RGS7: variants seen among roughly 807,000 people sequenced by gnomAD.
The protein encoded by RGS7 is regulator of G-protein signaling 7.
RGS7 carries 27 observed loss-of-function variants against 81.1 expected under a neutral mutation model. The ratio of observed to expected loss-of-function variants is 0.33; its 90% CI spans 0.25 to 0.46. The LOEUF (loss-of-function observed/expected upper bound fraction) is 0.46, where lower values mean the gene tolerates loss of function less well. Among genes scored for constraint, RGS7 ranks in the 20% least tolerant of loss-of-function variants. The pLI, the probability that RGS7 is intolerant of heterozygous loss-of-function variation, is 1.00. For synonymous variants in RGS7, 208 were observed against 207.7 expected (o/e 1.00, Z -0.01); for missense variants, 396 against 607.4 (o/e 0.65, Z 3.66).
At chr1:240,812,954 A>G (rs1690130186) in intron 13 of RGS7, among the ~76,000 whole-genome samples, 1 of 152,186 alleles carries the variant, frequency 6.6e-6, no homozygotes, top group Non-Finnish European at 1.5e-5. Context: ...CCAGTGTTTA[A>G]GATTCATGGC....
chr1:241,196,420 A>G (rs2073075996), intron 2 of RGS7, among the ~76,000 whole-genome samples: 1 of 152,150 alleles, frequency 6.6e-6, no homozygotes, highest in Non-Finnish European at 1.5e-5. Context: ...GTCATCAGAG[A>G]GCATGGAGAA....
At chr1:240,923,767 A>C (rs2502445) in intron 6 of RGS7, among the ~76,000 whole-genome samples, 1 of 151,470 alleles carries the variant, frequency 6.6e-6, no homozygotes, top group South Asian at 2.1e-4. Flanking sequence ...ATTTGAAAGC[A>C]CTGCAATGTT....
chr1:240,944,739 G>A (rs1678304302), intron 4 of RGS7, among the ~76,000 whole-genome samples: 1 of 152,138 alleles, frequency 6.6e-6, no homozygotes, highest in Admixed American at 6.5e-5. Flanking sequence ...TTTTGAGATG[G>A]AGTCTCACTT....
chr1:240,829,041 A>G (rs1693350074), intron 9 of RGS7, among the ~76,000 whole-genome samples: 1 of 152,160 alleles, frequency 6.6e-6, no homozygotes, highest in Non-Finnish European at 1.5e-5. Flanking sequence ...TGTAATGAGG[A>G]CAGAGGACAC....
intron 16 of RGS7, among the ~76,000 whole-genome samples, chr1:240,801,796 A>G (rs1688069035): frequency 6.6e-6 from 1 of 152,218 alleles, no homozygotes; most frequent in South Asian, 2.1e-4. Context: ...AAGCCTTTAT[A>G]CTGACATTTG....
chr1:240,790,505 G>A (rs373324940), intron 18 of RGS7, among the ~76,000 whole-genome samples: 2 of 152,232 alleles, frequency 1.3e-5, no homozygotes, highest in South Asian at 2.1e-4. Context: ...AAACTTGAGG[G>A]AGGTGATGTA....
At chr1:241,353,812 C>T (rs773706732) in intron 2 of RGS7, among the ~76,000 whole-genome samples, 7 of 152,032 alleles carry the variant, frequency 4.6e-5, no homozygotes, top group Non-Finnish European at 8.8e-5. Context: ...AATGGCGATT[C>T]GATGCTATAC....
At chr1:241,224,169 C>A (rs985732685) in intron 2 of RGS7, among the ~76,000 whole-genome samples, 17 of 151,920 alleles carry the variant, frequency 1.1e-4, no homozygotes, top group African/African-American at 3.9e-4. Flanking sequence ...CATAGTTATA[C>A]ACGTGCCTTG....
intron 6 of RGS7, among the ~76,000 whole-genome samples, chr1:240,910,715 T>C (rs904136932): frequency 6.6e-6 from 1 of 152,132 alleles, no homozygotes; most frequent in African/African-American, 2.4e-5. Flanking sequence ...ACAACTATTA[T>C]GTGTCAATTA....
chr1:241,190,234 T>G (rs1285998729), intron 2 of RGS7, among the ~76,000 whole-genome samples: 1 of 152,212 alleles, frequency 6.6e-6, no homozygotes, highest in Non-Finnish European at 1.5e-5. Context: ...TATAGTGACA[T>G]AGTAAGTCTT....
chr1:240,886,585 GC>G (rs1164128426), intron 6 of RGS7, among the ~76,000 whole-genome samples: 1 of 151,936 alleles, frequency 6.6e-6, no homozygotes, highest in Non-Finnish European at 1.5e-5. Context: ...ACTCCTCACC[GC>G]TCTCTCCCTT....
At chr1:241,331,278 G>A (rs7512603) in intron 2 of RGS7, among the ~76,000 whole-genome samples, 34,340 of 151,928 alleles carry the variant, frequency 0.23, 4,044 homozygotes, top group East Asian at 0.29. Flanking sequence ...AGAAATGCTA[G>A]TCAAAATTTA....
intron 2 of RGS7, among the ~76,000 whole-genome samples, chr1:241,299,850 T>C (rs1208155651): frequency 7.1e-6 from 1 of 141,836 alleles, no homozygotes; most frequent in East Asian, 2.1e-4. Flanking sequence ...GCACAGTTGC[T>C]CATGTCTGTA....
Position 240,813,647 on chromosome 1 carries a change from A to G in RGS7, c.927T>C (p.Asp309=). ...CCTCAAGTTCCCAGAAAGTGGTGTC[A>G]TCGGACAGCCATGGGTTAGAAGGGT... ...PPDPSNPWLS[D]DTTFWELEAS... Residue 309 remains aspartate, a synonymous_variant, in exon 13 of 19, where the codon GAT becomes GAC. Coordinates refer to ENST00000440928, the MANE Select transcript of RGS7 (RefSeq NM_001364886.1). 2 of 1,613,728 alleles carry G rather than the reference A, an allele frequency of 1.2e-6. No individual in the cohort carries two copies. The highest frequency in any genetic ancestry group is 1.7e-6 in the Non-Finnish European group (2 of 1,179,578).
chr1:241,236,558 C>T (rs1178378389), intron 2 of RGS7, among the ~76,000 whole-genome samples: 1 of 152,012 alleles, frequency 6.6e-6, no homozygotes, highest in Non-Finnish European at 1.5e-5. Flanking sequence ...CAGGAAAGAC[C>T]TTCTGTCTTA....
intron 6 of RGS7, among the ~76,000 whole-genome samples, chr1:240,925,392 C>G (rs1200012445): frequency 2.0e-5 from 3 of 152,120 alleles, no homozygotes; most frequent in African/African-American, 7.2e-5. Flanking sequence ...GTTTTCTTTT[C>G]CTGTGTTAAT....
chr1:241,013,554 C>T (rs942228974), intron 3 of RGS7, among the ~76,000 whole-genome samples: 16 of 151,942 alleles, frequency 1.1e-4, no homozygotes, highest in African/African-American at 3.9e-4. Flanking sequence ...AAAGATGTAC[C>T]CTCTGCTAGT....
intron 3 of RGS7, among the ~76,000 whole-genome samples, chr1:241,089,496 G>A (rs2063731717): frequency 6.6e-6 from 1 of 152,042 alleles, no homozygotes; most frequent in East Asian, 1.9e-4. Flanking sequence ...AGACTAAAAT[G>A]AAATACAGTC....
intron 18 of RGS7, among the ~76,000 whole-genome samples, chr1:240,779,578 C>G (rs1290584016): frequency 1.3e-5 from 2 of 152,176 alleles, no homozygotes; most frequent in Non-Finnish European, 2.9e-5. Flanking sequence ...AATCTGCCAG[C>G]ATCTTGATCT....
Sources: allele counts gnomAD v4.1 joint callset (sites outside exome capture counted in the v4.1 genomes callset), GRCh38; gene constraint gnomAD v4.1.1; transcripts MANE v1.5; gene names NCBI Gene and HGNC (gene_info 2026-07-23, HGNC 2026-07-21).